The following TBC1D22A variants were observed in gnomAD, a reference collection of about 807,000 sequenced individuals.
The protein encoded by TBC1D22A is putative GTPase activator.
Under a neutral mutation model 60.2 loss-of-function variants are expected in TBC1D22A, and 38 were observed. That is an observed-to-expected ratio of 0.63 (90% CI 0.49 to 0.83). The LOEUF (loss-of-function observed/expected upper bound fraction) is 0.83, where lower values mean the gene tolerates loss of function less well. Ranked by LOEUF, TBC1D22A falls within the 40% of genes least tolerant of loss-of-function variation. The pLI is 0.00. For synonymous variants in TBC1D22A, 302 were observed against 281.7 expected, an observed-to-expected ratio of 1.07 and a Z score of -0.72; for missense variants, 628 against 701.0, an observed-to-expected ratio of 0.90 and a Z score of 1.18.
intron 4 of TBC1D22A, among the ~76,000 whole-genome samples, chr22:46,827,476 G>A (rs953468479): frequency 1.1e-4 from 16 of 152,144 alleles, no homozygotes; most frequent in African/African-American, 1.7e-4. Context: ...GAGCCCCTTC[G>A]GAATCTGCTT....
At chr22:47,061,885 C>G (rs142628059) in intron 11 of TBC1D22A, among the ~76,000 whole-genome samples, 2 of 151,996 alleles carry the variant, frequency 1.3e-5, no homozygotes, top group African/African-American at 4.8e-5. Flanking sequence ...GTCCAGAGTT[C>G]GAGACCAGCC....
At chr22:46,769,093 C>CAAAA (rs61105868) in intron 1 of TBC1D22A, among the ~76,000 whole-genome samples, 45 of 72,220 alleles carry the variant, frequency 6.2e-4, no homozygotes, top group Admixed American at 6.9e-4. Context: ...GACTCTGTCT[C>CAAAA]AAAAAAAAAA....
intron 4 of TBC1D22A, among the ~76,000 whole-genome samples, chr22:46,840,031 T>A (rs559797817): frequency 6.6e-6 from 1 of 152,324 alleles, no homozygotes; most frequent in Non-Finnish European, 1.5e-5. Flanking sequence ...CTTGACATTG[T>A]TCTGCTCAGT....
At chr22:47,055,439 A>G (rs2063360490) in intron 11 of TBC1D22A, among the ~76,000 whole-genome samples, 1 of 152,338 alleles carries the variant, frequency 6.6e-6, no homozygotes, top group African/African-American at 2.4e-5. Context: ...TAGCCCCAGT[A>G]GTTTACTGTG....
chr22:47,101,327 G>A (rs1350139664), intron 11 of TBC1D22A, among the ~76,000 whole-genome samples: 2 of 152,210 alleles, frequency 1.3e-5, no homozygotes, highest in Non-Finnish European at 2.9e-5. Context: ...CCAAACCAGA[G>A]AAGAAGCAGG....
At chr22:47,173,110 C>T (rs1019920097) in intron 12 of TBC1D22A, among the ~76,000 whole-genome samples, 11 of 152,260 alleles carry the variant, frequency 7.2e-5, no homozygotes, top group African/African-American at 2.7e-4. Flanking sequence ...GGGTCTCCCC[C>T]TGAGGGGCAG....
chr22:46,872,898 A>C, intron 4 of TBC1D22A, among the ~76,000 whole-genome samples: 1 of 152,208 alleles, frequency 6.6e-6, no homozygotes, highest in East Asian at 1.9e-4. Flanking sequence ...TCCCAAATGC[A>C]GTGGGAATCG....
chr22:46,984,893 A>G (rs944903733), intron 9 of TBC1D22A, among the ~76,000 whole-genome samples: 1 of 152,148 alleles, frequency 6.6e-6, no homozygotes, highest in Non-Finnish European at 1.5e-5. Flanking sequence ...TGAGTTGACC[A>G]TTGATGTTAA....
intron 8 of TBC1D22A, among the ~76,000 whole-genome samples, chr22:46,934,150 AGTAAGGATTT>A (rs2071512003): frequency 6.6e-6 from 1 of 152,228 alleles, no homozygotes; most frequent in African/African-American, 2.4e-5. Flanking sequence ...TCATGATCCA[AGTAAGGATTT>A]GTAGTTTTCA....
chr22:47,055,792 A>T (rs2063372218), intron 11 of TBC1D22A, among the ~76,000 whole-genome samples: 1 of 152,002 alleles, frequency 6.6e-6, no homozygotes, highest in African/African-American at 2.4e-5. Context: ...TGGGATGAGT[A>T]GGGCATAGAT....
rs556796747 is a variant in TBC1D22A, at chr22:46,839,132, T to C, written c.638-39521T>C. Among the ~76,000 whole-genome samples the C allele has an allele frequency of 1.4e-4, 22 of 152,274 alleles. 1 individual carries two copies. In the South Asian group the frequency reaches 3.7e-3, roughly 26 times the overall value. On this transcript the variant is annotated intron_variant, in intron 4 of 12. Coordinates refer to ENST00000337137, the MANE Select transcript of TBC1D22A (RefSeq NM_014346.5). ...CACCAAAAAACTGTTGGAACTAATA[T>C]ACAAATTCAGTGAAGTGGCAGGATA...
chr22:46,931,350 A>G (rs2071345255), intron 8 of TBC1D22A, among the ~76,000 whole-genome samples: 1 of 151,938 alleles, frequency 6.6e-6, no homozygotes, highest in Admixed American at 6.6e-5. Context: ...TTCCCAATTC[A>G]TTTTCTTTTT....
At chr22:46,848,537 G>A (rs370018413) in intron 4 of TBC1D22A, among the ~76,000 whole-genome samples, 25 of 152,308 alleles carry the variant, frequency 1.6e-4, no homozygotes, top group African/African-American at 5.8e-4. Flanking sequence ...ACAGGGAGTC[G>A]ACCAACCGTT....
intron 4 of TBC1D22A, among the ~76,000 whole-genome samples, chr22:46,865,292 T>A (rs1266402085): frequency 3.9e-5 from 6 of 152,250 alleles, no homozygotes; most frequent in African/African-American, 7.2e-5. Flanking sequence ...TTTATTGTTT[T>A]ACACTCTGTG....
intron 4 of TBC1D22A, among the ~76,000 whole-genome samples, chr22:46,842,452 T>C (rs547103308): frequency 6.6e-6 from 1 of 152,256 alleles, no homozygotes; most frequent in Non-Finnish European, 1.5e-5. Flanking sequence ...CATCTCTCTT[T>C]CTGTCTCTGT....
At chr22:46,960,469 C>T (rs552744966) in intron 8 of TBC1D22A, among the ~76,000 whole-genome samples, 5 of 152,258 alleles carry the variant, frequency 3.3e-5, no homozygotes, top group African/African-American at 1.2e-4. Flanking sequence ...GCCATGTTGG[C>T]CAGGCTGGTC....
chr22:47,102,249 A>G (rs2065447205), intron 11 of TBC1D22A, among the ~76,000 whole-genome samples: 1 of 152,122 alleles, frequency 6.6e-6, no homozygotes, highest in African/African-American at 2.4e-5. Flanking sequence ...GGTGGCATGG[A>G]GGTGGGGGAT....
chr22:46,949,787 C>T (rs1418751123), intron 8 of TBC1D22A, among the ~76,000 whole-genome samples: 1 of 152,238 alleles, frequency 6.6e-6, no homozygotes, highest in Non-Finnish European at 1.5e-5. Flanking sequence ...AATGCTGGCT[C>T]AGCAAGGCCT....
intron 12 of TBC1D22A, among the ~76,000 whole-genome samples, chr22:47,121,353 A>G (rs2066265365): frequency 6.6e-6 from 1 of 152,132 alleles, no homozygotes; most frequent in Admixed American, 6.5e-5. Context: ...CGATCCAGTA[A>G]TTCTCCTTGT....
Sources: allele counts gnomAD v4.1 joint callset (sites outside exome capture counted in the v4.1 genomes callset), GRCh38; gene constraint gnomAD v4.1.1; transcripts MANE v1.5; gene names NCBI Gene and HGNC (gene_info 2026-07-23, HGNC 2026-07-21).